The following SLC25A41 variants were observed in gnomAD, a reference collection of about 807,000 sequenced individuals.
The protein encoded by SLC25A41 is mitochondrial carrier protein SCaMC-3L.
In SLC25A41, 35 loss-of-function variants were observed where a neutral mutation model predicts 34.7. The observed-to-expected ratio is 1.01, with a 90% CI of 0.77 to 1.34. The LOEUF (loss-of-function observed/expected upper bound fraction) is 1.34, where lower values mean the gene tolerates loss of function less well. Among genes scored for constraint, SLC25A41 ranks in the 40% most tolerant of loss-of-function variants. SLC25A41 has a pLI of 0.00. For missense variants in SLC25A41, 492 were observed against 489.8 expected (o/e 1.00, Z -0.04); for synonymous variants, 190 against 209.9 (o/e 0.91, Z 0.82).
chr19:6,432,336 G>A (rs966137839), intron 1 of SLC25A41, 132 bp from the exon 2 acceptor site: 11 of 976,958 alleles, frequency 1.1e-5, no homozygotes, highest in African/African-American at 3.3e-5. Flanking sequence ...TTTTCGAGAC[G>A]GAGTCTTGCT....
In SLC25A41 at chr19:6,430,126, C is replaced by G. The variant is rs61730225; in HGVS notation, c.399G>C (p.Leu133=). The G allele has an allele frequency of 2.7e-3, 4,436 of 1,613,132 alleles. 102 individuals carry two copies. In the African/African-American group the frequency reaches 0.052, roughly 19 times the overall value. Reference sequence around the variant, plus strand: ...CCTGGACCATGCTCTGTAGCCCCCCCAGCAGGTTGGTGAAGTTCGTCTTGG... The same window carrying G: ...CCTGGACCATGCTCTGTAGCCCCCCGAGCAGGTTGGTGAAGTTCGTCTTGG... The part of the protein sequence containing the change: ...YSSKTNFTNL[L]GGLQSMVQEG... The change falls in exon 3 of 7, where the codon CTG becomes CTC. Residue 133 remains leucine, a synonymous_variant. Coordinates refer to ENST00000321510, the MANE Select transcript of SLC25A41 (RefSeq NM_173637.4).
rs1326737616 is a variant in SLC25A41, at chr19:6,433,570, A to G, written c.124T>C (p.Trp42Arg). Residue 42 changes from tryptophan (W) to arginine (R), a missense_variant, in exon 1 of 7, where the codon TGG becomes CGG. Transcript: ENST00000321510. Reference protein sequence around the residue: ...PPQPPPPPPSWNPGCTHVYGY... With the variant: ...PPQPPPPPPSRNPGCTHVYGY... The stretch of plus-strand genomic sequence containing the variant: ...TACACGTGTGTACAGCCAGGGTTCC[A>G]GGATGGGGGTGGAGGCGGAGGTTGG... 9.4e-6 allele frequency: 13 copies of G among 1,382,950 alleles called. No homozygotes were observed. Among genetic ancestry groups the G allele is most frequent in the Non-Finnish European group, 1.3e-5 (13 of 1,019,328 alleles). 85.7% of individuals were successfully genotyped at this position (1,382,950 alleles called of 1,614,324 possible).
intron 6 of SLC25A41, among the ~76,000 whole-genome samples, 182 bp from the exon 7 acceptor site, chr19:6,426,743 G>C (rs1344622738): frequency 6.6e-6 from 1 of 152,158 alleles, no homozygotes; most frequent in African/African-American, 2.4e-5. Context: ...TTTCTGAGTA[G>C]TAGTTATCAG....
chr19:6,430,057 C>T lies in SLC25A41; in HGVS notation c.468G>A (p.Val156=). 6.2e-7 allele frequency: 1 copy of T among 1,612,072 alleles called. No individual in the cohort carries two copies. The highest frequency in any genetic ancestry group is 1.1e-5 in the South Asian group (1 of 90,772). ...RSLWRGNGIN[V]LKIAPEYAIK... is the part of the protein sequence containing the mutation. ...TGGCATACTCAGGAGCAATCTTGAGCACGTTGATGCCGTTGCCCCGCCACA... is the reference window on the plus strand; with the variant it reads ...TGGCATACTCAGGAGCAATCTTGAGTACGTTGATGCCGTTGCCCCGCCACA... The change falls in exon 3 of 7, where the codon GTG becomes GTA. Residue 156 remains valine, a synonymous_variant. Transcript: ENST00000321510.
In SLC25A41 at chr19:6,429,156, A is replaced by ATATATAATATATATATAATATATATATGT. The variant is rs2092267027; in HGVS notation, c.624+567_624+568insACATATATATATTATATATATATTATATA. Among the ~76,000 whole-genome samples the ATATATAATATATATATAATATATATATGT allele has an allele frequency of 6.8e-5, 2 of 29,262 alleles. 1 individual carries two copies. Among genetic ancestry groups the ATATATAATATATATATAATATATATATGT allele is most frequent in the African/African-American group, 3.9e-4 (2 of 5,156 alleles). The allele number at this position is 29,262 out of a possible 152,430, so 19.2% of individuals were successfully genotyped here. On this transcript the variant is annotated intron_variant, in intron 4 of 6. Coordinates refer to ENST00000321510, the MANE Select transcript of SLC25A41 (RefSeq NM_173637.4). ...TATATATATATATAATATATATATT[A>ATATATAATATATATATAATATATATATGT]TATATATAATATATATATAATATAT... is the stretch of plus-strand genomic sequence containing the variant.
intron 2 of SLC25A41, 48 bp from the exon 3 acceptor site, chr19:6,430,209 C>T (rs558274139): frequency 2.6e-5 from 40 of 1,549,122 alleles, no homozygotes; most frequent in Admixed American, 9.7e-5. Flanking sequence ...CCTCTGTCTC[C>T]GTCCCCATCC....
intron 2 of SLC25A41, 30 bp from the exon 3 acceptor site, chr19:6,430,191 C>G (rs909468636): frequency 6.9e-6 from 11 of 1,587,782 alleles, no homozygotes; most frequent in Non-Finnish European, 9.4e-6. Context: ...TGGAGGAGCC[C>G]CTGCTCGCCT....
chr19:6,432,341 C>T, intron 1 of SLC25A41, 137 bp from the exon 2 acceptor site: 1 of 915,680 alleles, frequency 1.1e-6, no homozygotes, highest in South Asian at 1.8e-5. Flanking sequence ...GAGACGGAGT[C>T]TTGCTCTGCT....
intron 1 of SLC25A41, 67 bp downstream of exon 1, chr19:6,433,420 G>A: frequency 6.7e-7 from 1 of 1,499,896 alleles, no homozygotes; most frequent in Non-Finnish European, 9.2e-7. Context: ...TAGAGGGCGT[G>A]GGTAGCCTGG....
rs2092251861 is a variant in SLC25A41, at chr19:6,427,983, C to G, written c.625-482G>C. Reference sequence around the variant, plus strand: ...TGGCAAAACTTTATGGCAAAAAGATCAAGCACTGGGGGGAAAGAAAGAGAG... The same window carrying G: ...TGGCAAAACTTTATGGCAAAAAGATGAAGCACTGGGGGGAAAGAAAGAGAG... On this transcript the variant is annotated intron_variant, in intron 4 of 6. Coordinates refer to ENST00000321510, the MANE Select transcript of SLC25A41 (RefSeq NM_173637.4). The surrounding 1 kb of genome is among the most constrained non-coding windows in gnomAD (Gnocchi z 4.9). 6.6e-6 allele frequency among the ~76,000 whole-genome samples: 1 copy of G among 152,054 alleles called. No homozygotes were observed. Among genetic ancestry groups the G allele is most frequent in the Non-Finnish European group, 1.5e-5 (1 of 68,012 alleles).
At chr19:6,429,271 T>G (rs1358892641) in intron 4 of SLC25A41, among the ~76,000 whole-genome samples, 2 of 111,062 alleles carry the variant, frequency 1.8e-5, no homozygotes, top group Admixed American at 2.5e-4. Flanking sequence ...GTGTTATATA[T>G]AATATATTCA....
intron 1 of SLC25A41, among the ~76,000 whole-genome samples, chr19:6,432,737 C>A (rs984048799): frequency 8.6e-5 from 13 of 151,102 alleles, no homozygotes; most frequent in African/African-American, 3.2e-4. Context: ...ATGGTGTGAT[C>A]TCGGCTCACT....
At chr19:6,434,674 C>T (rs975465667), upstream of SLC25A41, among the ~76,000 whole-genome samples, 4 of 152,014 alleles carry the variant, frequency 2.6e-5, no homozygotes, top group Admixed American at 6.6e-5. Flanking sequence ...TTTGGGAGGC[C>T]GAGGTTGGCA....
In SLC25A41 at chr19:6,426,415, C is replaced by T. The variant is rs1248395822; in HGVS notation, c.1087G>A (p.Ala363Thr). 1.2e-6 allele frequency: 2 copies of T among 1,613,762 alleles called. No homozygotes were observed. The highest frequency in any genetic ancestry group is 1.7e-5 in the Admixed American group (1 of 60,016). Residue 363 changes from alanine to threonine, a missense_variant, in exon 7 of 7, where the codon GCC becomes ACC. By Grantham distance (58) the Ala-to-Thr change is moderately conservative. Coordinates refer to ENST00000321510, the MANE Select transcript of SLC25A41 (RefSeq NM_173637.4). ...AGGISYVVYE[A>T]MKKTLGI is the part of the protein sequence containing the mutation. ...TATATGCCCAGGGTTTTCTTCATGG[C>T]TTCGTACACCACATAGCTGATGCCA...
At chr19:6,428,871 A>T (rs2092256796) in intron 4 of SLC25A41, among the ~76,000 whole-genome samples, 1 of 142,176 alleles carries the variant, frequency 7.0e-6, no homozygotes, top group South Asian at 2.1e-4. Flanking sequence ...GCGCCACCAC[A>T]CCTGGCTGAT....
rs1246638472 is a variant in SLC25A41 at position 6,429,708 on chromosome 19, G to T, written c.624+16C>A. 2 of 1,546,422 alleles carry T rather than the reference G, an allele frequency of 1.3e-6. No homozygotes were observed. Among genetic ancestry groups the T allele is most frequent in the South Asian group, 1.2e-5 (1 of 83,934 alleles). On this transcript the variant is annotated intron_variant, in intron 4 of 6. Transcript: ENST00000321510. ...TCCACGGCGTTTCCTCACCTGCGGG[G>T]CACATGCTCTCTTACCTCCATGGGG...
Position 6,429,126 on chromosome 19 carries a change from TATGTTA to T in SLC25A41, c.624+592_624+597del, listed in dbSNP as rs1363118259. ...ATATATATAATATATATATTATATA[TATGTTA>T]TATATATATATAATATATATATTAT... On this transcript the variant is annotated intron_variant, in intron 4 of 6. Transcript: ENST00000321510. Among the ~76,000 whole-genome samples, 7 of 54,268 alleles carry T rather than the reference TATGTTA, an allele frequency of 1.3e-4. 1 individual carries two copies. Among genetic ancestry groups the T allele is most frequent in the African/African-American group, 6.7e-4 (6 of 8,946 alleles). 35.6% of individuals were successfully genotyped at this position (54,268 alleles called of 152,430 possible).
chr19:6,430,441 TCTCCCTTTTTGTTCCCTCCCTCC>T, intron 2 of SLC25A41: 1 of 530,546 alleles, frequency 1.9e-6, no homozygotes, highest in Admixed American at 3.3e-5. Context: ...TTCCTTTCTT[TCTCCCTTTTTGTTCCCTCCCTCC>T]CTCCCTTCCT....
chr19:6,429,085 T>C lies in SLC25A41; in HGVS notation c.624+639A>G, dbSNP rs867571803. On this transcript the variant is annotated intron_variant, in intron 4 of 6. Transcript: ENST00000321510. ...TTATATATATATATAATATATATAT[T>C]ATATATATGTTACATATATATATAA... is the stretch of plus-strand genomic sequence containing the variant. Among the ~76,000 whole-genome samples, 2 of 41,954 alleles carry C rather than the reference T, an allele frequency of 4.8e-5. 1 individual carries two copies. Among genetic ancestry groups the C allele is most frequent in the Non-Finnish European group, 7.1e-5 (2 of 28,222 alleles). 27.5% of individuals were successfully genotyped at this position (41,954 alleles called of 152,430 possible).
Sources: gnomAD v4.1 joint callset for allele counts (sites outside exome capture counted in the v4.1 genomes callset) on GRCh38, gnomAD v4.1.1 for gene constraint, Gnocchi (gnomAD v3.1) non-coding constraint, MANE v1.5 for transcripts, NCBI Gene and HGNC (gene_info 2026-07-23, HGNC 2026-07-21) for gene names.